Variants in SCGB2B2 observed in about 807,000 individuals in gnomAD.
The protein encoded by SCGB2B2 is secretoglobin family 2B member 2.
A neutral mutation model predicts 7.6 loss-of-function variants in SCGB2B2; 11 were observed. That is an observed-to-expected ratio of 1.45 (90% CI 0.91 to 2.40). SCGB2B2 has a LOEUF of 2.40. SCGB2B2 is among the 30% of genes most tolerant of loss of function. The probability of loss-of-function intolerance (pLI) is 0.00; values close to 1 mark genes in which losing one functional copy is unlikely to be tolerated. For synonymous variants in SCGB2B2, 50 were observed against 48.6 expected (o/e 1.03, Z -0.12); for missense variants, 104 against 115.4 (o/e 0.90, Z 0.45).
chr19:34,630,557 CAAT>C lies in SCGB2B2; in HGVS notation c.-2031-33966_-2031-33964del, dbSNP rs779830959. On this transcript the variant is annotated intron_variant, in intron 1 of 3. Transcript: ENST00000601241. ...ATCAGAGAAATGCAAATCAAAACAA[CAAT>C]GAGATACCATCTCACGCCAGTTAGA... Among the ~76,000 whole-genome samples, 83 of 152,030 alleles carry C rather than the reference CAAT, an allele frequency of 5.5e-4. 1 individual carries two copies. The highest frequency in any genetic ancestry group is 8.0e-4 in the Non-Finnish European group (54 of 67,922).
At chr19:34,642,777 GACAT>G (rs988851802) in intron 1 of SCGB2B2, among the ~76,000 whole-genome samples, 3 of 138,994 alleles carry the variant, frequency 2.2e-5, no homozygotes, top group African/African-American at 8.0e-5. Context: ...CTCTAAAGAT[GACAT>G]ACAAATGACC....
intron 1 of SCGB2B2, among the ~76,000 whole-genome samples, chr19:34,667,119 G>A (rs1468739279): frequency 6.6e-6 from 1 of 151,954 alleles, no homozygotes; most frequent in African/African-American, 2.4e-5. Context: ...TGAGATCAGG[G>A]ACTCTGTTCC....
rs2065393589 is a variant in SCGB2B2, at chr19:34,594,636, A to G, written c.-73T>C. The G allele has an allele frequency of 1.8e-6, 2 of 1,105,468 alleles. No homozygotes were observed. The highest frequency in any genetic ancestry group is 1.5e-5 in the African/African-American group (1 of 64,530). 68.5% of individuals were successfully genotyped at this position (1,105,468 alleles called of 1,614,324 possible). A position where few individuals can be genotyped will look rare whatever the true frequency, so the allele number is the denominator to read the frequency against. ...GGGTGAGCTTTATGTATATCTGAAC[A>G]AGGCACATGCCTCTTCGTGTGTGTG... is the stretch of plus-strand genomic sequence containing the variant. On this transcript the variant is annotated 5_prime_UTR_variant, in exon 2 of 4. Coordinates refer to ENST00000601241, the MANE Select transcript of SCGB2B2 (RefSeq NM_001025591.4).
At chr19:34,633,134 T>C (rs996176165) in intron 1 of SCGB2B2, among the ~76,000 whole-genome samples, 1 of 152,242 alleles carries the variant, frequency 6.6e-6, no homozygotes, top group Non-Finnish European at 1.5e-5. Flanking sequence ...ACACTGGTGC[T>C]TTCCATGTGG....
chr19:34,598,875 T>G (rs1350227909), intron 1 of SCGB2B2, among the ~76,000 whole-genome samples: 1 of 151,658 alleles, frequency 6.6e-6, no homozygotes, highest in Non-Finnish European at 1.5e-5. Context: ...ACTCCTGGGC[T>G]GTTTAGTCAG....
rs540180189 is a variant in SCGB2B2, at chr19:34,668,215, G to A, written c.-2032+7415C>T. On this transcript the variant is annotated intron_variant, in intron 1 of 3. Coordinates refer to ENST00000601241, the MANE Select transcript of SCGB2B2 (RefSeq NM_001025591.4). ...GGAGGGAGAGGCGCGAGCGGGAACC[G>A]GGGCTGAGCGTGGCGCTTGCGAGCC... 8.5e-5 allele frequency among the ~76,000 whole-genome samples: 13 copies of A among 152,312 alleles called. 1 individual carries two copies. In the South Asian group the frequency reaches 2.5e-3, roughly 29 times the overall value.
intron 1 of SCGB2B2, among the ~76,000 whole-genome samples, chr19:34,617,471 A>G: frequency 6.6e-6 from 1 of 150,894 alleles, no homozygotes; most frequent in Non-Finnish European, 1.5e-5. Flanking sequence ...TTCACTCATG[A>G]TTTGGCTCTC....
rs1029763875 is a variant in SCGB2B2, at chr19:34,594,502, C to A, written c.61+1G>T. 5 of 1,613,740 alleles carry A rather than the reference C, an allele frequency of 3.1e-6. No homozygotes were observed. In the African/African-American group the frequency reaches 5.3e-5, roughly 17 times the overall value. ...CCCAGCCCTGCTCGCCTCTTTCTTACCCAGCTGGACGCTGCAGATCAGAGC... is the reference window on the plus strand; with the variant it reads ...CCCAGCCCTGCTCGCCTCTTTCTTAACCAGCTGGACGCTGCAGATCAGAGC... On this transcript the variant is annotated splice_donor_variant, in intron 2 of 3. Transcript: ENST00000601241. LOFTEE classifies it high-confidence loss of function.
intron 1 of SCGB2B2, among the ~76,000 whole-genome samples, chr19:34,631,559 T>A (rs2066535930): frequency 7.1e-6 from 1 of 140,924 alleles, no homozygotes; most frequent in African/African-American, 2.7e-5. Flanking sequence ...TTGAGACATA[T>A]AAGATTTGCA....
intron 1 of SCGB2B2, among the ~76,000 whole-genome samples, chr19:34,622,262 C>T (rs999879841): frequency 1.3e-5 from 2 of 152,198 alleles, no homozygotes; most frequent in Non-Finnish European, 2.9e-5. Context: ...TACATAGAGA[C>T]TGAATGTCTT....
intron 1 of SCGB2B2, among the ~76,000 whole-genome samples, chr19:34,608,154 A>G (rs2065831303): frequency 1.3e-5 from 2 of 152,042 alleles, no homozygotes; most frequent in African/African-American, 2.4e-5. Context: ...TATAGTTTTC[A>G]GTGTGCAAGT....
intron 1 of SCGB2B2, among the ~76,000 whole-genome samples, chr19:34,636,493 A>G (rs73040297): frequency 0.15 from 22,250 of 152,226 alleles, 1,922 homozygotes; most frequent in Middle Eastern, 0.25. Context: ...GGGTGTGTCC[A>G]GACTCAGGAA....
At chr19:34,593,704 G>T (rs2065359565) in intron 3 of SCGB2B2, 105 bp from the exon 4 acceptor site, 2 of 880,048 alleles carry the variant, frequency 2.3e-6, no homozygotes, top group Non-Finnish European at 3.6e-6. Context: ...CCTTGAGTGT[G>T]TCTGCTTGTT....
At chr19:34,634,334 C>G (rs1225877145) in intron 1 of SCGB2B2, among the ~76,000 whole-genome samples, 1 of 152,144 alleles carries the variant, frequency 6.6e-6, no homozygotes, top group Non-Finnish European at 1.5e-5. Flanking sequence ...TCACTGAGCA[C>G]CCTGGGTAAC....
At chr19:34,597,142 C>G (rs1179942633) in intron 1 of SCGB2B2, among the ~76,000 whole-genome samples, 2 of 151,952 alleles carry the variant, frequency 1.3e-5, no homozygotes, top group African/African-American at 4.8e-5. Context: ...AGCCACTCAC[C>G]TGTGACTCCC....
At chr19:34,616,906 C>A (rs1160951908) in intron 1 of SCGB2B2, among the ~76,000 whole-genome samples, 5 of 152,158 alleles carry the variant, frequency 3.3e-5, no homozygotes, top group Admixed American at 2.0e-4. Flanking sequence ...CTACATATGG[C>A]TAGCCAGTTT....
intron 1 of SCGB2B2, among the ~76,000 whole-genome samples, chr19:34,668,661 T>G (rs1164306347): frequency 6.6e-6 from 1 of 152,134 alleles, no homozygotes; most frequent in South Asian, 2.1e-4. Flanking sequence ...GGATTGTAAA[T>G]ACACCAGTCA....
At position 34,600,710 on chromosome 19, in the gene SCGB2B2, C is replaced by T. The variant is rs886553266; in HGVS notation, c.-2031-4116G>A. On this transcript the variant is annotated intron_variant, in intron 1 of 3. Coordinates refer to ENST00000601241, the MANE Select transcript of SCGB2B2 (RefSeq NM_001025591.4). ...AATCTTTCTTCCCATTTATATATTG[C>T]ATGTTCTTTTCTATTTTTTCCACCT... Among the ~76,000 whole-genome samples, 5 of 152,158 alleles carry T rather than the reference C, an allele frequency of 3.3e-5. No individual in the cohort carries two copies. The South Asian group carries it at 8.3e-4, about 25-fold the overall frequency.
intron 1 of SCGB2B2, among the ~76,000 whole-genome samples, chr19:34,617,064 T>C (rs1016663567): frequency 5.3e-5 from 8 of 152,236 alleles, no homozygotes; most frequent in African/African-American, 1.9e-4. Context: ...TTGGTACCAG[T>C]ACCATGCTGT....
Sources: gnomAD v4.1 joint callset for allele counts (sites outside exome capture counted in the v4.1 genomes callset) on GRCh38, gnomAD v4.1.1 for gene constraint, MANE v1.5 for transcripts, NCBI Gene and HGNC (gene_info 2026-07-23, HGNC 2026-07-21) for gene names.